The following KANSL3 variants were observed in gnomAD, a reference collection of about 807,000 sequenced individuals.
KANSL3 encodes the protein KAT8 regulatory NSL complex subunit 3.
KANSL3 carries 16 observed loss-of-function variants against 89.2 expected under a neutral mutation model. The observed-to-expected ratio is 0.18, with a 90% CI of 0.12 to 0.27. The LOEUF is 0.27. KANSL3 is among the 10% of genes least tolerant of loss of function. KANSL3 has a pLI of 1.00. For synonymous variants in KANSL3, 385 were observed against 419.7 expected (o/e 0.92, Z 1.01); for missense variants, 879 against 1,110.6 (o/e 0.79, Z 2.96).
intron 3 of KANSL3, 95 bp from the exon 4 acceptor site, chr2:96,619,857 C>T (rs768006295): frequency 1.1e-5 from 11 of 1,000,822 alleles, no homozygotes; most frequent in Non-Finnish European, 1.6e-5. Flanking sequence ...AGTTTTATGT[C>T]TCTGCTAGGG....
intron 3 of KANSL3, among the ~76,000 whole-genome samples, chr2:96,622,905 C>T (rs750525096): frequency 1.4e-4 from 21 of 152,214 alleles, no homozygotes; most frequent in Non-Finnish European, 2.8e-4. Context: ...GCTCAAATGT[C>T]ACCTTCTGCT....
intron 2 of KANSL3, among the ~76,000 whole-genome samples, chr2:96,633,559 ACT>A (rs1426775131): frequency 6.8e-6 from 1 of 147,024 alleles, no homozygotes; most frequent in Non-Finnish European, 1.5e-5. Context: ...ACAGAGCGAG[ACT>A]CTGTCTCAAA....
In KANSL3 at chr2:96,605,427, A is replaced by T; in HGVS notation, c.1826T>A (p.Leu609His). The T allele has an allele frequency of 6.2e-7, 1 of 1,613,994 alleles. No individual in the cohort carries two copies. Among genetic ancestry groups the T allele is most frequent in the Non-Finnish European group, 8.5e-7 (1 of 1,179,852 alleles). ...TCGTTTGGAGGTCTTACTGCCAGGAAGGGGACTCGAGGGATGGTGTCGCTT... is the reference window on the plus strand; with the variant it reads ...TCGTTTGGAGGTCTTACTGCCAGGATGGGGACTCGAGGGATGGTGTCGCTT... ...QLKRHHPSSP[L>H]PGSKTSKRPK... Residue 609 changes from leucine (L) to histidine (H), a missense_variant, in exon 15 of 21, where the codon CTT becomes CAT. By Grantham distance (99) the Leu-to-His change is moderately conservative. Transcript: ENST00000431828.
chr2:96,623,700 G>T (rs573153159), intron 3 of KANSL3, among the ~76,000 whole-genome samples: 4 of 152,088 alleles, frequency 2.6e-5, no homozygotes, highest in Non-Finnish European at 4.4e-5. Context: ...CTCTAATAAA[G>T]AGCTATGTGC....
intron 14 of KANSL3, chr2:96,605,742 A>G (rs2067887649): frequency 2.9e-6 from 1 of 341,990 alleles, no homozygotes; most frequent in Admixed American, 4.2e-5. Context: ...CACCCTTCTC[A>G]TCCCTCATCC....
rs1346348926 is a variant in KANSL3 at position 96,593,296 on chromosome 2, T to TGAAG, written c.*2314_*2315insCTTC. 4.4e-6 allele frequency: 2 copies of TGAAG among 455,990 alleles called. No individual in the cohort carries two copies. Among genetic ancestry groups the TGAAG allele is most frequent in the Non-Finnish European group, 8.8e-6 (2 of 226,804 alleles). The allele number at this position is 455,990 out of a possible 1,614,324, so 28.2% of individuals were successfully genotyped here. Reference sequence around the variant, plus strand: ...GAAACCAAGAGTAGACAGGTCTTCCTACCTCAGTGACCTCAAAACACAAGG... The same window carrying TGAAG: ...GAAACCAAGAGTAGACAGGTCTTCCTGAAGACCTCAGTGACCTCAAAACACAAGG... On this transcript the variant is annotated 3_prime_UTR_variant, in exon 21 of 21. Transcript: ENST00000431828.
At chr2:96,601,326 T>C in intron 20 of KANSL3, 1 of 985,024 alleles carries the variant, frequency 1.0e-6, no homozygotes, top group South Asian at 4.7e-5. Flanking sequence ...ACTCATAACC[T>C]CTGAAGGATG....
At position 96,598,792 on chromosome 2, in the gene KANSL3, C is replaced by T. The variant is rs1016837131; in HGVS notation, c.2616+2851G>A. On this transcript the variant is annotated intron_variant, in intron 20 of 20. Coordinates refer to ENST00000431828, the MANE Select transcript of KANSL3 (RefSeq NM_001115016.3). ...GAGGGTGGTGGCATGAGCCTATAGTCCCAGCTACTCAGGAGGCTGAGGCAA... is the reference window on the plus strand; with the variant it reads ...GAGGGTGGTGGCATGAGCCTATAGTTCCAGCTACTCAGGAGGCTGAGGCAA... Among the ~76,000 whole-genome samples the T allele has an allele frequency of 4.0e-5, 6 of 151,492 alleles. 1 individual carries two copies. The highest frequency in any genetic ancestry group is 1.5e-4 in the African/African-American group (6 of 41,186).
In KANSL3 at chr2:96,602,180, A is replaced by G; in HGVS notation, c.2418T>C (p.Asn806=). The G allele has an allele frequency of 6.2e-7, 1 of 1,604,646 alleles. No individual in the cohort carries two copies. Among genetic ancestry groups the G allele is most frequent in the Non-Finnish European group, 8.5e-7 (1 of 1,175,744 alleles). Residue 806 remains asparagine, a synonymous_variant, in exon 19 of 21, where the codon AAT becomes AAC. Transcript: ENST00000431828. ...KPTAIHQLLT[N]GGLAKLASSL... is the part of the protein sequence containing the mutation. Reference sequence around the variant, plus strand: ...TGCTTGCCAACTTAGCGAGGCCCCCATTGGTCAGCAGCTGGTGGATGGCTG... The same window carrying G: ...TGCTTGCCAACTTAGCGAGGCCCCCGTTGGTCAGCAGCTGGTGGATGGCTG...
At chr2:96,598,908 C>CA (rs10551331) in intron 20 of KANSL3, among the ~76,000 whole-genome samples, 1,332 of 44,928 alleles carry the variant, frequency 0.03, 156 homozygotes, top group Non-Finnish European at 0.049. Flanking sequence ...GAGACTGTCT[C>CA]AAAAAAAAAA....
chr2:96,622,849 G>A (rs7593340), intron 3 of KANSL3, among the ~76,000 whole-genome samples: 3,888 of 152,176 alleles, frequency 0.026, 178 homozygotes, highest in African/African-American at 0.088. Flanking sequence ...CCTTCATTAC[G>A]CCAACCTGAA....
chr2:96,612,415 C>A, intron 8 of KANSL3, 47 bp downstream of exon 8: 1 of 1,604,450 alleles, frequency 6.2e-7, no homozygotes, highest in Non-Finnish European at 8.5e-7. Flanking sequence ...AGAACAACCC[C>A]AGAATGCTGG....
chr2:96,613,596 C>T lies in KANSL3; in HGVS notation c.687G>A (p.Met229Ile), dbSNP rs371453091. Residue 229 changes from methionine to isoleucine, a missense_variant, in exon 6 of 21, where the codon ATG (methionine) becomes ATA (isoleucine). This residue lies in a region of KANSL3 where 210 missense variants were observed against 311.9 expected (regional missense o/e 0.67). Transcript: ENST00000431828. Reference sequence around the variant, plus strand: ...CAGTCTTTGTGTTGGATGACACAAGCATCCGGTCAATCAAGGTTGGGATCT... The same window carrying T: ...CAGTCTTTGTGTTGGATGACACAAGTATCCGGTCAATCAAGGTTGGGATCT... Reference protein sequence around the residue: ...KGKIPTLIDRMLVSSNTKTGA... With the variant: ...KGKIPTLIDRILVSSNTKTGA... The T allele has an allele frequency of 6.2e-6, 10 of 1,612,882 alleles. No homozygotes were observed. The highest frequency in any genetic ancestry group is 8.5e-6 in the Non-Finnish European group (10 of 1,179,478).
At chr2:96,615,875 C>A (rs912463624) in intron 5 of KANSL3, among the ~76,000 whole-genome samples, 2 of 151,988 alleles carry the variant, frequency 1.3e-5, no homozygotes, top group African/African-American at 4.8e-5. Context: ...TGGTGGGGGA[C>A]AGGAATAGGG....
intron 3 of KANSL3, chr2:96,627,835 G>A (rs867862142): frequency 1.9e-6 from 2 of 1,080,634 alleles, no homozygotes; most frequent in South Asian, 1.3e-5. Context: ...CAGATTCAGG[G>A]ACAGGGTCAT....
At chr2:96,601,556 T>C (rs6749159) in intron 20 of KANSL3, 87 bp downstream of exon 20, 431,470 of 1,518,732 alleles carry the variant, frequency 0.28, 72,117 homozygotes, top group South Asian at 0.66. Flanking sequence ...GTCCAGTGCA[T>C]GGGCAGCCCC....
At chr2:96,615,465 A>T in intron 5 of KANSL3, 1 of 1,230,344 alleles carries the variant, frequency 8.1e-7, no homozygotes, top group Non-Finnish European at 1.1e-6. Context: ...ATGTGCAAAT[A>T]TAGGTTTCAG....
At chr2:96,628,644 A>G (rs936177608) in intron 3 of KANSL3, 6 of 152,988 alleles carry the variant, frequency 3.9e-5, no homozygotes, top group African/African-American at 1.4e-4. Flanking sequence ...TGACAGAGTG[A>G]GACCCTGTCT....
Position 96,594,827 on chromosome 2 carries a change from T to C in KANSL3, c.*784A>G. 1 of 152,370 alleles carries C rather than the reference T, an allele frequency of 6.6e-6. No homozygotes were observed. Among genetic ancestry groups the C allele is most frequent in the Non-Finnish European group, 1.5e-5 (1 of 68,070 alleles). The allele number at this position is 152,370 out of a possible 1,614,324, so 9.4% of individuals were successfully genotyped here. A position where few individuals can be genotyped will look rare whatever the true frequency, so the allele number is the denominator to read the frequency against. On this transcript the variant is annotated 3_prime_UTR_variant, in exon 21 of 21. Coordinates refer to ENST00000431828, the MANE Select transcript of KANSL3 (RefSeq NM_001115016.3). ...GCTGTTCTATTACTCTTCTTCAGCT[T>C]ATCTGAACCTGCGGACTCTCTGGAT...
Sources: gnomAD v4.1 joint callset for allele counts (sites outside exome capture counted in the v4.1 genomes callset) on GRCh38, gnomAD v4.1.1 for gene constraint, gnomAD v4.1.1 regional missense constraint, MANE v1.5 for transcripts, NCBI Gene and HGNC (gene_info 2026-07-23, HGNC 2026-07-21) for gene names.